Variants in SYNPR observed in about 807,000 individuals in gnomAD.
SYNPR encodes the protein synaptoporin.
Under a neutral mutation model 32.9 loss-of-function variants are expected in SYNPR, and 23 were observed. The ratio of observed to expected loss-of-function variants is 0.70; its 90% CI spans 0.50 to 0.99. The LOEUF (loss-of-function observed/expected upper bound fraction) is 0.99. Ranked by LOEUF, SYNPR falls within the 50% of genes least tolerant of loss-of-function variation. The pLI is 0.00. For synonymous variants in SYNPR, 146 were observed against 135.9 expected, an observed-to-expected ratio of 1.07 and a Z score of -0.52; for missense variants, 318 against 349.3, an observed-to-expected ratio of 0.91 and a Z score of 0.71.
At chr3:63,225,563 T>C (rs2086122172), upstream of SYNPR, among the ~76,000 whole-genome samples, 1 of 152,048 alleles carries the variant, frequency 6.6e-6, no homozygotes, top group South Asian at 2.1e-4. Flanking sequence ...TCAAAAACTT[T>C]GAAAGGAAAG....
chr3:63,612,170 G>A (rs1473708673), intron 5 of SYNPR, among the ~76,000 whole-genome samples: 1 of 152,010 alleles, frequency 6.6e-6, no homozygotes, highest in Non-Finnish European at 1.5e-5. Flanking sequence ...CTGTAAAGTG[G>A]GGATAATTGT....
chr3:63,235,246 T>C (rs544287171), intron 1 of SYNPR, among the ~76,000 whole-genome samples: 1 of 152,172 alleles, frequency 6.6e-6, no homozygotes, highest in African/African-American at 2.4e-5. Flanking sequence ...ACAGGCCTGT[T>C]GGCTGGAGAT....
the SYNPR span, among the ~76,000 whole-genome samples, chr3:63,210,132 T>G: frequency 1.3e-5 from 2 of 152,220 alleles, no homozygotes; most frequent in Non-Finnish European, 2.9e-5. Context: ...TAGTTTTGTG[T>G]AATTAGAGAG....
intron 3 of SYNPR, among the ~76,000 whole-genome samples, chr3:63,544,925 T>G (rs781516706): frequency 6.6e-6 from 1 of 151,808 alleles, no homozygotes; most frequent in South Asian, 2.1e-4. Flanking sequence ...ATTTCTTCCA[T>G]TTTGCAGATG....
chr3:63,435,596 C>T (rs1700069759), intron 2 of SYNPR, among the ~76,000 whole-genome samples: 1 of 152,218 alleles, frequency 6.6e-6, no homozygotes, highest in Admixed American at 6.5e-5. Context: ...GCCCCTAGCA[C>T]ACCCTCCCAT....
At chr3:63,283,647 C>T (rs1361108282) in intron 2 of SYNPR, among the ~76,000 whole-genome samples, 6 of 98,198 alleles carry the variant, frequency 6.1e-5, no homozygotes, top group African/African-American at 2.4e-4. Flanking sequence ...TTTTTTGAGA[C>T]GGAGTCTCAC....
At chr3:63,425,548 T>G (rs1699877311) in intron 2 of SYNPR, among the ~76,000 whole-genome samples, 1 of 152,116 alleles carries the variant, frequency 6.6e-6, no homozygotes, top group African/African-American at 2.4e-5. Flanking sequence ...TTTTGAGCTC[T>G]CATTATAAGC....
At chr3:63,475,069 C>T (rs1301454033) in intron 2 of SYNPR, among the ~76,000 whole-genome samples, 1 of 152,176 alleles carries the variant, frequency 6.6e-6, no homozygotes, top group African/African-American at 2.4e-5. Flanking sequence ...TTTGATGTCA[C>T]TAACTGCAAA....
rs146540881 is a variant in SYNPR, at chr3:63,574,689, T to G, written c.408+17948T>G. 6.8e-4 allele frequency among the ~76,000 whole-genome samples: 103 copies of G among 152,266 alleles called. 1 individual carries two copies. Among genetic ancestry groups the G allele is most frequent in the African/African-American group, 2.3e-3 (96 of 41,560 alleles). On this transcript the variant is annotated intron_variant, in intron 4 of 5. Transcript: ENST00000478300. ...ACCACCATATCATAAGATCTTTGAG[T>G]GCAGAGATCTTATCTTATTCTTCAC...
chr3:63,603,014 T>C (rs568234618), intron 4 of SYNPR, among the ~76,000 whole-genome samples: 1 of 152,182 alleles, frequency 6.6e-6, no homozygotes, highest in Non-Finnish European at 1.5e-5. Context: ...TCATCTCTGA[T>C]TTATTTCAGC....
rs1700277918 is a variant in SYNPR at position 63,616,332 on chromosome 3, A to G, written c.*851A>G. 2 of 152,182 alleles carry G rather than the reference A, an allele frequency of 1.3e-5. No individual in the cohort carries two copies. The highest frequency in any genetic ancestry group is 4.8e-5 in the African/African-American group (2 of 41,432). 9.4% of individuals were successfully genotyped at this position (152,182 alleles called of 1,614,324 possible). On this transcript the variant is annotated 3_prime_UTR_variant, in exon 6 of 6. Transcript: ENST00000478300. The stretch of plus-strand genomic sequence containing the variant: ...TCTTATCTTGTGGACCATAAATAAC[A>G]CGGCCCAATAACTCTTTGTGTTTAT...
chr3:63,599,335 C>T lies in SYNPR; in HGVS notation c.409-9790C>T, dbSNP rs149583544. Among the ~76,000 whole-genome samples the T allele has an allele frequency of 4.6e-5, 7 of 152,262 alleles. No homozygotes were observed. In the East Asian group the frequency reaches 1.3e-3, roughly 29 times the overall value. On this transcript the variant is annotated intron_variant, in intron 4 of 5. Transcript: ENST00000478300. Reference sequence around the variant, plus strand: ...AGGCCTTCACATTCAACTTCCAGTGCTGCAAGCTCCGTTCATGGTAACTGC... The same window carrying T: ...AGGCCTTCACATTCAACTTCCAGTGTTGCAAGCTCCGTTCATGGTAACTGC...
chr3:63,262,825 C>T (rs755557599), intron 2 of SYNPR, among the ~76,000 whole-genome samples: 1 of 152,138 alleles, frequency 6.6e-6, no homozygotes, highest in Non-Finnish European at 1.5e-5. Context: ...TAGAGACCAC[C>T]GTAACTCCAA....
chr3:63,556,980 A>G (rs1702606233), intron 4 of SYNPR, among the ~76,000 whole-genome samples: 1 of 152,182 alleles, frequency 6.6e-6, no homozygotes, highest in Non-Finnish European at 1.5e-5. Context: ...AAATGATTAG[A>G]AATCTCATGA....
At chr3:63,437,078 T>C (rs1700098421) in intron 2 of SYNPR, among the ~76,000 whole-genome samples, 2 of 152,184 alleles carry the variant, frequency 1.3e-5, no homozygotes. Flanking sequence ...GGTTTCATCA[T>C]GTTAGCCAGG....
intron 4 of SYNPR, among the ~76,000 whole-genome samples, chr3:63,593,337 T>C (rs559489416): frequency 3.9e-5 from 6 of 152,250 alleles, no homozygotes; most frequent in Admixed American, 3.9e-4. Context: ...AGGAGTGTTT[T>C]TAACATATGA....
At position 63,615,543 on chromosome 3, in the gene SYNPR, A is replaced by AT. The variant is rs1700267955; in HGVS notation, c.*68dup. 5 of 1,560,668 alleles carry AT rather than the reference A, an allele frequency of 3.2e-6. No homozygotes were observed. Among genetic ancestry groups the AT allele is most frequent in the Non-Finnish European group, 2.6e-6 (3 of 1,154,688 alleles). The stretch of plus-strand genomic sequence containing the variant: ...CATCTTCCATTTCAGTGGCAGAAGA[A>AT]TTTTTTAAGGGTTTCAATCAATTAT... On this transcript the variant is annotated 3_prime_UTR_variant, in exon 6 of 6. Transcript: ENST00000478300.
chr3:63,402,344 A>G (rs1263886110), intron 2 of SYNPR, among the ~76,000 whole-genome samples: 2 of 152,096 alleles, frequency 1.3e-5, no homozygotes, highest in Non-Finnish European at 2.9e-5. Context: ...TAGAACGGGG[A>G]GAGGCAGAAT....
intron 2 of SYNPR, among the ~76,000 whole-genome samples, chr3:63,263,080 G>A (rs2086453015): frequency 6.6e-6 from 1 of 152,198 alleles, no homozygotes; most frequent in Admixed American, 6.5e-5. Context: ...TTTACATGAA[G>A]AGGGCAGCCT....
Sources: allele counts gnomAD v4.1 joint callset (sites outside exome capture counted in the v4.1 genomes callset), GRCh38; gene constraint gnomAD v4.1.1; transcripts MANE v1.5; gene names NCBI Gene and HGNC (gene_info 2026-07-23, HGNC 2026-07-21).